Variants in DDAH1 observed in about 807,000 individuals in gnomAD.
DDAH1 encodes the protein dimethylarginine dimethylaminohydrolase 1.
DDAH1 carries 19 observed loss-of-function variants against 28.8 expected under a neutral mutation model. That is an observed-to-expected ratio of 0.66 (90% CI 0.46 to 0.97). The LOEUF (loss-of-function observed/expected upper bound fraction) is 0.97, where lower values mean the gene tolerates loss of function less well. Ranked by LOEUF, DDAH1 falls within the 50% of genes least tolerant of loss-of-function variation. DDAH1 has a pLI of 0.00. For synonymous variants in DDAH1, 153 were observed against 154.4 expected (o/e 0.99, Z 0.07); for missense variants, 326 against 375.9 (o/e 0.87, Z 1.10).
chr1:85,346,756 T>G (rs1428744422), intron 4 of DDAH1, among the ~76,000 whole-genome samples: 1 of 152,184 alleles, frequency 6.6e-6, no homozygotes, highest in African/African-American at 2.4e-5. Context: ...CAATTAATAA[T>G]TGCCCCATTA....
At chr1:85,563,529 G>A (rs1659197442) in intron 1 of DDAH1, among the ~76,000 whole-genome samples, 1 of 151,120 alleles carries the variant, frequency 6.6e-6, no homozygotes, top group South Asian at 2.1e-4. Flanking sequence ...AGACTTGAAA[G>A]CATTAAACAG....
chr1:85,540,133 G>A (rs1570658097), intron 1 of DDAH1, among the ~76,000 whole-genome samples: 1 of 151,804 alleles, frequency 6.6e-6, no homozygotes, highest in African/African-American at 2.4e-5. Context: ...ACTAAAATGA[G>A]AAAAAAATAA....
chr1:85,384,887 A>C (rs986635934), intron 1 of DDAH1, among the ~76,000 whole-genome samples: 23 of 152,186 alleles, frequency 1.5e-4, no homozygotes, highest in African/African-American at 5.5e-4. Flanking sequence ...GAGTGTGATA[A>C]AACTTCTTTA....
At chr1:85,373,499 C>T (rs947787398) in intron 1 of DDAH1, among the ~76,000 whole-genome samples, 5 of 152,062 alleles carry the variant, frequency 3.3e-5, no homozygotes, top group Non-Finnish European at 7.4e-5. Flanking sequence ...TGAGTTCTCA[C>T]GAGATCTGAT....
At chr1:85,534,211 T>C (rs532625778) in intron 1 of DDAH1, among the ~76,000 whole-genome samples, 1 of 152,342 alleles carries the variant, frequency 6.6e-6, no homozygotes, top group East Asian at 1.9e-4. Flanking sequence ...AGCCTTTCCA[T>C]GTCTCATGTA....
chr1:85,482,847 T>C (rs1382203723), intron 2 of DDAH1, among the ~76,000 whole-genome samples: 1 of 152,140 alleles, frequency 6.6e-6, no homozygotes, highest in African/African-American at 2.4e-5. Context: ...CAAAAATCAA[T>C]AGGAAATGAT....
chr1:85,358,981 C>A, intron 1 of DDAH1, 134 bp from the exon 2 acceptor site: 1 of 560,700 alleles, frequency 1.8e-6, no homozygotes, highest in Non-Finnish European at 3.2e-6. Flanking sequence ...ACACACCCAT[C>A]CTTGTGAATA....
At chr1:85,574,960 C>G (rs1659560642) in intron 1 of DDAH1, among the ~76,000 whole-genome samples, 1 of 151,940 alleles carries the variant, frequency 6.6e-6, no homozygotes, top group Non-Finnish European at 1.5e-5. Context: ...AGACGGGGAG[C>G]CTGGTGCAGT....
At chr1:85,345,291 A>C (rs1467218653) in intron 4 of DDAH1, among the ~76,000 whole-genome samples, 2 of 151,834 alleles carry the variant, frequency 1.3e-5, no homozygotes, top group Non-Finnish European at 2.9e-5. Context: ...GGAAGAGTAC[A>C]AACAGGTCTA....
At chr1:85,470,227 C>T (rs936463464) in intron 2 of DDAH1, among the ~76,000 whole-genome samples, 89 of 152,230 alleles carry the variant, frequency 5.8e-4, no homozygotes, top group African/African-American at 1.7e-3. Flanking sequence ...ACTCACAGTT[C>T]CATGTGACTG....
intron 2 of DDAH1, among the ~76,000 whole-genome samples, chr1:85,485,824 A>G (rs1656185471): frequency 6.6e-6 from 1 of 152,182 alleles, no homozygotes; most frequent in South Asian, 2.1e-4. Context: ...GTGGGGTTCA[A>G]GCATTTATTT....
chr1:85,359,544 A>AT (rs1649675951), intron 1 of DDAH1, among the ~76,000 whole-genome samples: 1 of 152,238 alleles, frequency 6.6e-6, no homozygotes, highest in Admixed American at 6.5e-5. Flanking sequence ...AGTATAATAC[A>AT]TGGAAGGAAT....
chr1:85,499,944 T>C (rs1656734712), intron 1 of DDAH1, among the ~76,000 whole-genome samples: 1 of 152,218 alleles, frequency 6.6e-6, no homozygotes, highest in South Asian at 2.1e-4. Context: ...GTATCATTTC[T>C]TTTAGCCTGA....
At chr1:85,455,204 GTAA>G (rs1407089568) in intron 1 of DDAH1, among the ~76,000 whole-genome samples, 1 of 152,064 alleles carries the variant, frequency 6.6e-6, no homozygotes, top group Non-Finnish European at 1.5e-5. Flanking sequence ...CCAAACTGTA[GTAA>G]TAATAATCTT....
intron 1 of DDAH1, among the ~76,000 whole-genome samples, chr1:85,542,472 T>C (rs1237898670): frequency 1.3e-5 from 2 of 152,228 alleles, no homozygotes; most frequent in Non-Finnish European, 2.9e-5. Flanking sequence ...TAGGAATTTC[T>C]GTCACAAGAA....
At chr1:85,479,542 A>T (rs956820798) in intron 2 of DDAH1, among the ~76,000 whole-genome samples, 2 of 152,240 alleles carry the variant, frequency 1.3e-5, no homozygotes, top group African/African-American at 4.8e-5. Context: ...TCAGGCACTA[A>T]TATTACCACA....
intron 4 of DDAH1, among the ~76,000 whole-genome samples, chr1:85,348,243 A>G (rs1648987439): frequency 6.6e-6 from 1 of 152,210 alleles, no homozygotes; most frequent in East Asian, 1.9e-4. Context: ...AAAGATGAAG[A>G]GAGAAATAGG....
At chr1:85,357,682 G>A (rs1649561560) in intron 2 of DDAH1, among the ~76,000 whole-genome samples, 1 of 152,170 alleles carries the variant, frequency 6.6e-6, no homozygotes, top group South Asian at 2.1e-4. Context: ...TGCTGTCAGG[G>A]CTACATTGGT....
At chr1:85,346,306 C>T (rs959782885) in intron 4 of DDAH1, among the ~76,000 whole-genome samples, 1 of 152,098 alleles carries the variant, frequency 6.6e-6, no homozygotes. Flanking sequence ...AGAACTGAGA[C>T]ATCAAGGTTT....
Sources: allele counts gnomAD v4.1 joint callset (sites outside exome capture counted in the v4.1 genomes callset), GRCh38; gene constraint gnomAD v4.1.1; transcripts MANE v1.5; gene names NCBI Gene and HGNC (gene_info 2026-07-23, HGNC 2026-07-21).